SYNRG: variants seen among roughly 807,000 people sequenced by gnomAD.
The protein encoded by SYNRG is AP1 gamma subunit binding protein 1.
In SYNRG, 37 loss-of-function variants were observed where a neutral mutation model predicts 130.9. The ratio of observed to expected loss-of-function variants is 0.28; its 90% CI spans 0.22 to 0.37. SYNRG has a LOEUF of 0.37. Ranked by LOEUF, SYNRG falls within the 10% of genes least tolerant of loss-of-function variation. SYNRG has a pLI of 1.00. For synonymous variants in SYNRG, 539 were observed against 568.1 expected (o/e 0.95, Z 0.73); for missense variants, 1,338 against 1,588.9 (o/e 0.84, Z 2.68).
At chr17:37,605,419 C>G (rs1384839419) in intron 1 of SYNRG, among the ~76,000 whole-genome samples, 3 of 152,190 alleles carry the variant, frequency 2.0e-5, no homozygotes, top group African/African-American at 7.2e-5. Context: ...CCTTTACCCC[C>G]TGTCTGGTTT....
chr17:37,571,387 G>A lies in SYNRG; in HGVS notation c.1098+404C>T, dbSNP rs1442203052. Among the ~76,000 whole-genome samples the A allele has an allele frequency of 2.0e-5, 3 of 152,054 alleles. No homozygotes were observed. In the South Asian group the frequency reaches 6.2e-4, roughly 32 times the overall value. ...ACTTGAGGTCAGGAGTTCGAGACTA[G>A]CCTGGCCAACATGGTAAAACCCCAT... On this transcript the variant is annotated intron_variant, in intron 9 of 21. Transcript: ENST00000612223.
intron 2 of SYNRG, among the ~76,000 whole-genome samples, chr17:37,599,747 CA>C (rs35498169): frequency 1.3e-5 from 2 of 152,058 alleles, no homozygotes; most frequent in African/African-American, 4.8e-5. Context: ...AAAAACCAAA[CA>C]AAATCCTGAG....
chr17:37,520,505 C>G (rs538974753), intron 20 of SYNRG, 33 bp downstream of exon 20: 1 of 1,594,712 alleles, frequency 6.3e-7, no homozygotes, highest in Non-Finnish European at 8.6e-7. Flanking sequence ...TAGGGAAGCC[C>G]TTTGCTGTCT....
chr17:37,585,786 G>A (rs911507815), intron 4 of SYNRG, among the ~76,000 whole-genome samples: 1 of 152,316 alleles, frequency 6.6e-6, no homozygotes, highest in Non-Finnish European at 1.5e-5. Context: ...TGGGAAGGCA[G>A]TGTCATACAG....
In SYNRG at chr17:37,553,447, C is replaced by T. The variant is rs773084989; in HGVS notation, c.2276G>A (p.Gly759Asp). ...RQLSLEGSGL[G>D]VEDLKDNTPS... ...AGTGTTATCTTTCAGGTCTTCAACA[C>T]CTAGTCCAGACCCTTCCAGAGAAAG... is the stretch of plus-strand genomic sequence containing the variant. Residue 759 changes from glycine (G) to aspartate (D), a missense_variant, in exon 14 of 22, where the codon GGT (glycine) becomes GAT (aspartate). Physicochemically the swap from Gly to Asp is moderately conservative, Grantham distance 94. Around this residue, in one of 3 missense-constraint regions of SYNRG, gnomAD observed 1,146 missense variants for 1,342.3 expected, o/e 0.85. Transcript: ENST00000612223. 1 of 1,614,186 alleles carries T rather than the reference C, an allele frequency of 6.2e-7. No homozygotes were observed. The highest frequency in any genetic ancestry group is 8.5e-7 in the Non-Finnish European group (1 of 1,180,030).
At chr17:37,559,243 T>C (rs146921765) in intron 13 of SYNRG, among the ~76,000 whole-genome samples, 25 of 152,324 alleles carry the variant, frequency 1.6e-4, no homozygotes, top group African/African-American at 6.0e-4. Flanking sequence ...GTACCTGCTT[T>C]GTGATATGTA....
At chr17:37,581,637 A>G (rs983825223) in intron 6 of SYNRG, among the ~76,000 whole-genome samples, 9 of 151,544 alleles carry the variant, frequency 5.9e-5, no homozygotes, top group Admixed American at 5.3e-4. Flanking sequence ...CCCAGGCTGG[A>G]GTGCAGTGGC....
intron 2 of SYNRG, among the ~76,000 whole-genome samples, chr17:37,598,432 A>G (rs2062969017): frequency 6.6e-6 from 1 of 152,240 alleles, no homozygotes; most frequent in African/African-American, 2.4e-5. Flanking sequence ...AGCCACAGTA[A>G]GATGTTTTCC....
chr17:37,585,352 G>C lies in SYNRG; in HGVS notation c.450C>G (p.Leu150=). 1.9e-6 allele frequency: 3 copies of C among 1,613,992 alleles called. No individual in the cohort carries two copies. The East Asian group carries it at 6.7e-5, about 36-fold the overall frequency. Residue 150 remains leucine (L), a synonymous_variant, in exon 5 of 22, where the codon CTC becomes CTG. Transcript: ENST00000612223. ...TGGGTTTCACACTGCTCAAAAGTCT[G>C]AGCTTTTGCTTCTGCTCTTCAAACT... ...RRQFEEQKQK[L]RLLSSVKPKT...
chr17:37,577,655 A>T (rs956162585), intron 6 of SYNRG, 42 bp from the exon 7 acceptor site: 11 of 1,269,634 alleles, frequency 8.7e-6, no homozygotes, highest in Admixed American at 1.8e-5. Context: ...ATAACTGTAT[A>T]TGTCTAATCT....
At position 37,542,150 on chromosome 17, in the gene SYNRG, C is replaced by T. The variant is rs771591224; in HGVS notation, c.3024G>A (p.Ala1008=). 4.5e-5 allele frequency: 73 copies of T among 1,614,090 alleles called. No individual in the cohort carries two copies. Among genetic ancestry groups the T allele is most frequent in the Middle Eastern group, 3.3e-4 (2 of 6,082 alleles). ...RSQEATCPSP[A]SSGASQETPN... ...GGGTTTCTTGAGAGGCACCACTGGA[C>T]GCTGGGCTGGGACACGTGGCCTCCT... The change falls in exon 15 of 22, where the codon GCG becomes GCA. Residue 1008 remains alanine (A), a synonymous_variant. Coordinates refer to ENST00000612223, the MANE Select transcript of SYNRG (RefSeq NM_007247.6).
At chr17:37,570,571 C>T (rs1192502540) in intron 10 of SYNRG, 66 bp downstream of exon 10, 32 of 1,538,720 alleles carry the variant, frequency 2.1e-5, no homozygotes, top group Non-Finnish European at 2.7e-5. Flanking sequence ...TATGTATCCC[C>T]GGAAAAAATG....
intron 6 of SYNRG, among the ~76,000 whole-genome samples, chr17:37,578,369 C>T (rs1252628273): frequency 6.6e-6 from 1 of 151,916 alleles, no homozygotes; most frequent in Non-Finnish European, 1.5e-5. Flanking sequence ...AATTCAATCA[C>T]TGCACATTTG....
chr17:37,571,889 T>C lies in SYNRG; in HGVS notation c.1000A>G (p.Thr334Ala), dbSNP rs757960940. Reference sequence around the variant, plus strand: ...GCTAAGGCCCATATCTGTCCAAGAGTTTCCCTGGGAAGCCCAGATGACATC... The same window carrying C: ...GCTAAGGCCCATATCTGTCCAAGAGCTTCCCTGGGAAGCCCAGATGACATC... The part of the protein sequence containing the change: ...ILMSSGLPRE[T>A]LGQIWALANR... Residue 334 changes from threonine to alanine, a missense_variant, in exon 9 of 22, where the codon ACT (threonine) becomes GCT (alanine). Physicochemically the swap from Thr to Ala is moderately conservative, Grantham distance 58. Around this residue, in one of 3 missense-constraint regions of SYNRG, gnomAD observed 1,146 missense variants for 1,342.3 expected, o/e 0.85. Transcript: ENST00000612223. The C allele has an allele frequency of 6.2e-7, 1 of 1,614,096 alleles. No homozygotes were observed. Among genetic ancestry groups the C allele is most frequent in the Admixed American group, 1.7e-5 (1 of 60,006 alleles).
At chr17:37,607,193 G>A (rs1568570992) in intron 1 of SYNRG, among the ~76,000 whole-genome samples, 2 of 151,980 alleles carry the variant, frequency 1.3e-5, no homozygotes. Context: ...CATTTACAAA[G>A]GGGGGAAATT....
chr17:37,542,297 G>A lies in SYNRG; in HGVS notation c.2877C>T (p.Thr959=). The A allele has an allele frequency of 6.2e-7, 1 of 1,614,180 alleles. No homozygotes were observed. Among genetic ancestry groups the A allele is most frequent in the Non-Finnish European group, 8.5e-7 (1 of 1,180,054 alleles). ...TAAAACTGGCAAGAGCTGGGAAGGT[G>A]GTCTCTGGAAGAGCATCTTCACTTA... is the stretch of plus-strand genomic sequence containing the variant. The part of the protein sequence containing the change: ...TFVSEDALPE[T]TFPALASFKD... The change falls in exon 15 of 22, where the codon ACC becomes ACT. Residue 959 remains threonine, a synonymous_variant. Coordinates refer to ENST00000612223, the MANE Select transcript of SYNRG (RefSeq NM_007247.6).
At chr17:37,605,243 G>A (rs1209073344) in intron 1 of SYNRG, among the ~76,000 whole-genome samples, 1 of 152,168 alleles carries the variant, frequency 6.6e-6, no homozygotes, top group Non-Finnish European at 1.5e-5. Context: ...GATACATTCA[G>A]GAGCAATGAA....
chr17:37,525,836 C>T (rs9709185), intron 19 of SYNRG, among the ~76,000 whole-genome samples: 2,252 of 152,248 alleles, frequency 0.015, 53 homozygotes, highest in African/African-American at 0.051. Flanking sequence ...TGTGGTGGCG[C>T]TTGCCTGTAA....
intron 15 of SYNRG, chr17:37,540,828 T>A: frequency 1.2e-6 from 1 of 854,092 alleles, no homozygotes; most frequent in Admixed American, 4.9e-5. Context: ...AGATACACGG[T>A]TTCATTGTGT....
Sources: allele counts gnomAD v4.1 joint callset (sites outside exome capture counted in the v4.1 genomes callset), GRCh38; gene constraint gnomAD v4.1.1; regional missense constraint gnomAD v4.1.1; transcripts MANE v1.5; gene names NCBI Gene and HGNC (gene_info 2026-07-23, HGNC 2026-07-21).